Variants in LEMD1 observed in about 807,000 individuals in gnomAD.
The protein encoded by LEMD1 is LEM domain containing 1.
Under a neutral mutation model 17.4 loss-of-function variants are expected in LEMD1, and 18 were observed. The observed-to-expected ratio is 1.04, with a 90% CI of 0.72 to 1.54. LEMD1 has a LOEUF of 1.54. Among genes scored for constraint, LEMD1 ranks in the 40% most tolerant of loss-of-function variants. The pLI is 0.00. For synonymous variants in LEMD1, 88 were observed against 77.8 expected, an observed-to-expected ratio of 1.13 and a Z score of -0.69; for missense variants, 195 against 210.4, an observed-to-expected ratio of 0.93 and a Z score of 0.45.
intron 1 of LEMD1, chr1:205,440,895 G>C (rs1368139348): frequency 1.3e-5 from 2 of 152,350 alleles, no homozygotes; most frequent in African/African-American, 2.4e-5. Flanking sequence ...GGGACCTGCT[G>C]GGGGCTTGAT....
chr1:205,411,397 T>C lies in LEMD1; in HGVS notation c.270+4835A>G, dbSNP rs370658726. On this transcript the variant is annotated intron_variant, in intron 4 of 5. Transcript: ENST00000367153. ...GATGAAACCCCTTCTCTACTAAAAATACAAAAATTTAGCCGGGCGTGGTGG... is the reference window on the plus strand; with the variant it reads ...GATGAAACCCCTTCTCTACTAAAAACACAAAAATTTAGCCGGGCGTGGTGG... Among the ~76,000 whole-genome samples the C allele has an allele frequency of 2.6e-5, 4 of 151,514 alleles. No homozygotes were observed. In the South Asian group the frequency reaches 8.4e-4, roughly 32 times the overall value.
chr1:205,410,930 A>G (rs1665361821), intron 4 of LEMD1, among the ~76,000 whole-genome samples: 2 of 151,080 alleles, frequency 1.3e-5, no homozygotes, highest in Non-Finnish European at 3.0e-5. Flanking sequence ...GAAAGAAAAG[A>G]GAAAGAAAGG....
chr1:205,428,709 G>A (rs953186720), intron 1 of LEMD1, among the ~76,000 whole-genome samples: 4 of 152,176 alleles, frequency 2.6e-5, no homozygotes, highest in Non-Finnish European at 5.9e-5. Context: ...GGCAAAGCAT[G>A]AGAGAGAGGG....
At chr1:205,407,806 G>A (rs761788849) in intron 4 of LEMD1, among the ~76,000 whole-genome samples, 5 of 152,136 alleles carry the variant, frequency 3.3e-5, no homozygotes, top group Non-Finnish European at 5.9e-5. Context: ...CTTAACCTGT[G>A]GGATCTGACG....
intron 4 of LEMD1, among the ~76,000 whole-genome samples, chr1:205,415,263 G>A (rs1451232141): frequency 2.0e-5 from 3 of 152,176 alleles, no homozygotes; most frequent in East Asian, 1.9e-4. Context: ...AGGAAGAAGC[G>A]AGGAAGGAAG....
intron 4 of LEMD1, among the ~76,000 whole-genome samples, chr1:205,394,280 T>C (rs1664482167): frequency 6.6e-6 from 1 of 152,064 alleles, no homozygotes; most frequent in Non-Finnish European, 1.5e-5. Flanking sequence ...GTGACAAAAA[T>C]GTTTTGGAAC....
intron 4 of LEMD1, among the ~76,000 whole-genome samples, chr1:205,401,107 T>C (rs546084780): frequency 0.019 from 2,875 of 151,658 alleles, 65 homozygotes; most frequent in African/African-American, 0.066. Context: ...TGTTGGACAT[T>C]TGGGTTGGTT....
intron 1 of LEMD1, among the ~76,000 whole-genome samples, chr1:205,444,706 CCTT>C (rs903843668): frequency 2.0e-5 from 3 of 152,140 alleles, no homozygotes; most frequent in Non-Finnish European, 4.4e-5. Context: ...TTGGCAATGT[CCTT>C]CATCAGAGTG....
intron 1 of LEMD1, among the ~76,000 whole-genome samples, chr1:205,434,362 T>TATTA (rs1553399173): frequency 4.9e-4 from 71 of 144,648 alleles, no homozygotes; most frequent in Admixed American, 1.8e-3. Context: ...TATATATATA[T>TATTA]TATATATATA....
chr1:205,448,293 G>C lies in LEMD1; in HGVS notation c.-39+1575C>G. 1.9e-6 allele frequency: 1 copy of C among 526,562 alleles called. No individual in the cohort carries two copies. The highest frequency in any genetic ancestry group is 1.4e-5 in the South Asian group (1 of 71,290). 32.6% of individuals were successfully genotyped at this position (526,562 alleles called of 1,614,324 possible). The stretch of plus-strand genomic sequence containing the variant: ...CTGGTCCCATGGGAGGTGCAGCTGC[G>C]CAGGAGAAGGAGCTCGCCCCTCACT... On this transcript the variant is annotated intron_variant, in intron 1 of 3. Coordinates refer to the LEMD1 transcript ENST00000367154. The surrounding 1 kb of genome is among the most constrained non-coding windows in gnomAD (Gnocchi z 4.7).
intron 4 of LEMD1, among the ~76,000 whole-genome samples, chr1:205,399,890 A>T (rs943543167): frequency 6.6e-6 from 1 of 152,222 alleles, no homozygotes; most frequent in African/African-American, 2.4e-5. Context: ...AAGGACTGAT[A>T]GAAATAGAAA....
chr1:205,431,923 G>T (rs1046925571), intron 1 of LEMD1, among the ~76,000 whole-genome samples: 1 of 152,044 alleles, frequency 6.6e-6, no homozygotes, highest in Admixed American at 6.5e-5. Context: ...CACCATGTTG[G>T]TCAGGATGGT....
chr1:205,421,132 G>A (rs1665943172), intron 1 of LEMD1, among the ~76,000 whole-genome samples: 1 of 152,028 alleles, frequency 6.6e-6, no homozygotes, highest in African/African-American at 2.4e-5. Context: ...CTTAGTAATT[G>A]CTGAATTGGC....
At chr1:205,384,070 T>C (rs1168667212) in intron 5 of LEMD1, among the ~76,000 whole-genome samples, 1 of 152,158 alleles carries the variant, frequency 6.6e-6, no homozygotes, top group South Asian at 2.1e-4. Context: ...ACTTTTGCCC[T>C]GTCTTCCCAG....
intron 1 of LEMD1, among the ~76,000 whole-genome samples, chr1:205,432,585 G>T (rs1403969704): frequency 6.6e-6 from 1 of 152,224 alleles, no homozygotes; most frequent in Non-Finnish European, 1.5e-5. Flanking sequence ...GAACAATAAG[G>T]CTTACCTGTG....
intron 4 of LEMD1, among the ~76,000 whole-genome samples, chr1:205,414,996 C>T (rs1205258246): frequency 1.3e-5 from 2 of 152,102 alleles, no homozygotes; most frequent in Non-Finnish European, 2.9e-5. Flanking sequence ...CTTGGCAGCT[C>T]TTTGTATGTG....
intron 1 of LEMD1, among the ~76,000 whole-genome samples, chr1:205,447,662 G>A (rs1483947971): frequency 2.0e-5 from 3 of 151,962 alleles, no homozygotes; most frequent in Non-Finnish European, 4.4e-5. Context: ...GGCAGGGAGG[G>A]CTGGTGCCCT....
chr1:205,408,127 C>T (rs1044812869), intron 4 of LEMD1, among the ~76,000 whole-genome samples: 2 of 152,108 alleles, frequency 1.3e-5, no homozygotes, highest in Non-Finnish European at 2.9e-5. Flanking sequence ...AAAAAGACAT[C>T]GTTGGGACAG....
chr1:205,400,843 T>TA (rs770908821), intron 4 of LEMD1, among the ~76,000 whole-genome samples: 17 of 79,730 alleles, frequency 2.1e-4, no homozygotes, highest in East Asian at 1.5e-3. Flanking sequence ...ATGCTATCCC[T>TA]CCCCCCCCCC....
Sources: allele counts gnomAD v4.1 joint callset (sites outside exome capture counted in the v4.1 genomes callset), GRCh38; gene constraint gnomAD v4.1.1; non-coding constraint Gnocchi (gnomAD v3.1); transcripts MANE v1.5; gene names NCBI Gene and HGNC (gene_info 2026-07-23, HGNC 2026-07-21).